The following RBPMS variants were observed in gnomAD, a reference collection of about 807,000 sequenced individuals.
The protein encoded by RBPMS is RNA-binding protein with multiple splicing.
RBPMS carries 7 observed loss-of-function variants against 26.8 expected under a neutral mutation model. The observed-to-expected ratio is 0.26, with a 90% CI of 0.15 to 0.49. The LOEUF is 0.49. RBPMS is among the 20% of genes least tolerant of loss of function. The pLI is 0.98. For synonymous variants in RBPMS, 96 were observed against 93.3 expected, an observed-to-expected ratio of 1.03 and a Z score of -0.17; for missense variants, 186 against 250.0, an observed-to-expected ratio of 0.74 and a Z score of 1.73.
chr8:30,550,724 C>T (rs6468391), intron 6 of RBPMS, among the ~76,000 whole-genome samples: 44,628 of 152,110 alleles, frequency 0.29, 6,806 homozygotes, highest in East Asian at 0.39. Context: ...TCACAGCTTA[C>T]GCCAGCACTG....
intron 5 of RBPMS, among the ~76,000 whole-genome samples, chr8:30,526,466 C>A (rs1177015072): frequency 6.6e-6 from 1 of 152,120 alleles, no homozygotes; most frequent in Non-Finnish European, 1.5e-5. Flanking sequence ...TTATGTAGGA[C>A]CATTGGTGGA....
intron 1 of RBPMS, among the ~76,000 whole-genome samples, chr8:30,412,000 A>G (rs559680116): frequency 0.016 from 2,208 of 141,528 alleles, 57 homozygotes; most frequent in African/African-American, 0.052. Context: ...AAAAAAAAAA[A>G]ACAAAAACAA....
At chr8:30,534,192 C>T (rs949491545) in intron 5 of RBPMS, among the ~76,000 whole-genome samples, 2 of 152,032 alleles carry the variant, frequency 1.3e-5, no homozygotes, top group South Asian at 2.1e-4. Flanking sequence ...AGTTTGGAGG[C>T]AGTGATGCCT....
chr8:30,557,206 C>G (rs987024790), intron 6 of RBPMS, among the ~76,000 whole-genome samples: 13 of 152,204 alleles, frequency 8.5e-5, no homozygotes, highest in Admixed American at 7.9e-4. Flanking sequence ...CAGGCAGAAG[C>G]TCCGGTATGT....
intron 1 of RBPMS, among the ~76,000 whole-genome samples, chr8:30,434,792 C>T (rs1265838478): frequency 6.6e-6 from 1 of 151,284 alleles, no homozygotes; most frequent in Non-Finnish European, 1.5e-5. Context: ...CACACACACA[C>T]ACACACACAT....
intron 1 of RBPMS, among the ~76,000 whole-genome samples, chr8:30,460,530 T>G (rs769245110): frequency 6.6e-6 from 1 of 152,216 alleles, no homozygotes; most frequent in Non-Finnish European, 1.5e-5. Flanking sequence ...TTAGTCTTTT[T>G]CCTGGTATTA....
At chr8:30,445,485 C>T (rs1813620991) in intron 1 of RBPMS, 1 of 151,634 alleles carries the variant, frequency 6.6e-6, no homozygotes, top group Non-Finnish European at 1.5e-5. Context: ...ACTATAAGTT[C>T]CATTTTTATG....
intron 1 of RBPMS, among the ~76,000 whole-genome samples, chr8:30,439,377 G>A (rs907506597): frequency 6.6e-6 from 1 of 152,172 alleles, no homozygotes; most frequent in Admixed American, 6.5e-5. Flanking sequence ...CAATTTCCAA[G>A]AAGTACAAAA....
chr8:30,519,715 G>A (rs756290146), intron 5 of RBPMS, among the ~76,000 whole-genome samples: 1 of 151,720 alleles, frequency 6.6e-6, no homozygotes, highest in Non-Finnish European at 1.5e-5. Flanking sequence ...CTATTGTCTC[G>A]ATCTCCTGAC....
At chr8:30,465,145 C>G (rs1240594338) in intron 1 of RBPMS, among the ~76,000 whole-genome samples, 1 of 152,194 alleles carries the variant, frequency 6.6e-6, no homozygotes, top group African/African-American at 2.4e-5. Flanking sequence ...TAAGGAACTT[C>G]TTGTTGAACT....
chr8:30,539,336 C>T (rs901303240), intron 5 of RBPMS, among the ~76,000 whole-genome samples: 3 of 152,128 alleles, frequency 2.0e-5, no homozygotes, highest in Non-Finnish European at 4.4e-5. Flanking sequence ...TCACCAGCAG[C>T]AGTGGGGGCA....
At chr8:30,547,965 C>T (rs957961320) in intron 6 of RBPMS, among the ~76,000 whole-genome samples, 23 of 152,154 alleles carry the variant, frequency 1.5e-4, no homozygotes, top group African/African-American at 4.8e-4. Context: ...TTTCCCAGCT[C>T]TAAAGTAAGG....
intron 5 of RBPMS, among the ~76,000 whole-genome samples, chr8:30,510,908 T>G (rs1821519653): frequency 6.6e-6 from 1 of 152,156 alleles, no homozygotes; most frequent in Admixed American, 6.5e-5. Context: ...CAGCTATAGT[T>G]CTTTCGAAGA....
In RBPMS at chr8:30,477,830, C is replaced by A. The variant is rs1191165725; in HGVS notation, c.176C>A (p.Ser59Tyr). The A allele has an allele frequency of 3.7e-6, 6 of 1,608,002 alleles. No homozygotes were observed. In the African/African-American group the frequency reaches 8.0e-5, roughly 22 times the overall value. ...GYEGSLIKLTSKQPVGFVSFD... is the reference protein window; with the variant it reads ...GYEGSLIKLTYKQPVGFVSFD... ...GAGGGTTCTCTTATAAAGCTCACAT[C>A]TAAACAGGTAAGAATTTCAAAGTGG... Residue 59 changes from serine (S) to tyrosine (Y), a missense_variant, in exon 3 of 9, where the codon TCT becomes TAT. Transcript: ENST00000397323.
chr8:30,516,091 A>G (rs2150969826), intron 5 of RBPMS, among the ~76,000 whole-genome samples: 1 of 152,306 alleles, frequency 6.6e-6, no homozygotes, highest in Middle Eastern at 3.4e-3. Context: ...TAAAATTAAC[A>G]TTTTTTGGCC....
intron 5 of RBPMS, among the ~76,000 whole-genome samples, chr8:30,523,604 CAG>C (rs1005472199): frequency 1.2e-4 from 18 of 150,516 alleles, no homozygotes; most frequent in African/African-American, 3.9e-4. Flanking sequence ...GAGCACATGA[CAG>C]GGGAAGAATT....
At chr8:30,503,403 C>T (rs145181134) in intron 4 of RBPMS, among the ~76,000 whole-genome samples, 2,874 of 151,916 alleles carry the variant, frequency 0.019, 52 homozygotes, top group Non-Finnish European at 0.029. Flanking sequence ...AGGTGCATGC[C>T]GCCACGCCCA....
intron 3 of RBPMS, among the ~76,000 whole-genome samples, chr8:30,479,062 C>T (rs554683553): frequency 6.6e-6 from 1 of 152,286 alleles, no homozygotes; most frequent in Non-Finnish European, 1.5e-5. Flanking sequence ...CTTTCAACCA[C>T]TTCTAGATTT....
intron 6 of RBPMS, chr8:30,545,645 CTT>C (rs1267675782): frequency 6.2e-6 from 1 of 160,240 alleles, no homozygotes; most frequent in African/African-American, 2.4e-5. Context: ...ACTTAAAACT[CTT>C]TTATGTTGTA....
Sources: allele counts gnomAD v4.1 joint callset (sites outside exome capture counted in the v4.1 genomes callset), GRCh38; gene constraint gnomAD v4.1.1; transcripts MANE v1.5; gene names NCBI Gene and HGNC (gene_info 2026-07-23, HGNC 2026-07-21).